The following RAD54L2 variants were observed in gnomAD, a reference collection of about 807,000 sequenced individuals.
RAD54L2 encodes the protein RAD54 like 2, also known as helicase ARIP4.
In RAD54L2, 27 loss-of-function variants were observed where a neutral mutation model predicts 138.4. That is an observed-to-expected ratio of 0.20 (90% CI 0.14 to 0.27). RAD54L2 has a LOEUF of 0.27. Ranked by LOEUF, RAD54L2 falls within the 10% of genes least tolerant of loss-of-function variation. The pLI is 1.00. For synonymous variants in RAD54L2, 644 were observed against 723.2 expected (o/e 0.89, Z 1.76); for missense variants, 1,396 against 1,890.2 (o/e 0.74, Z 4.85).
intron 2 of RAD54L2, among the ~76,000 whole-genome samples, chr3:51,578,789 T>G (rs550762206): frequency 1.3e-5 from 2 of 152,262 alleles, no homozygotes; most frequent in South Asian, 4.1e-4. Context: ...AGTACTCTTT[T>G]AGCTTTGTAA....
intron 14 of RAD54L2, among the ~76,000 whole-genome samples, chr3:51,640,599 C>T (rs894568200): frequency 1.3e-5 from 2 of 152,214 alleles, no homozygotes; most frequent in African/African-American, 2.4e-5. Flanking sequence ...TGGCAGGAGC[C>T]TGGCTCAGGA....
chr3:51,647,679 T>C (rs981397721), intron 19 of RAD54L2, among the ~76,000 whole-genome samples: 2 of 151,378 alleles, frequency 1.3e-5, no homozygotes, highest in African/African-American at 4.9e-5. Context: ...CAAAAAAAAA[T>C]TTTTTTTTCT....
At chr3:51,572,006 G>A (rs966077275) in intron 2 of RAD54L2, among the ~76,000 whole-genome samples, 1 of 152,076 alleles carries the variant, frequency 6.6e-6, no homozygotes, top group African/African-American at 2.4e-5. Context: ...TTTGGTTTTA[G>A]GTGAAATGTA....
chr3:51,629,235 G>T, intron 4 of RAD54L2, 99 bp from the exon 5 acceptor site: 3 of 1,338,116 alleles, frequency 2.2e-6, no homozygotes, highest in South Asian at 2.9e-5. Flanking sequence ...CTCCCGCCTC[G>T]ACTCTGAGAT....
At chr3:51,610,207 A>G (rs1361596595) in intron 3 of RAD54L2, among the ~76,000 whole-genome samples, 1 of 152,170 alleles carries the variant, frequency 6.6e-6, no homozygotes, top group Non-Finnish European at 1.5e-5. Context: ...CTATAACATA[A>G]GACTTTACCT....
Position 51,665,996 on chromosome 3 carries a change from C to T in RAD54L2, c.*2576C>T, listed in dbSNP as rs918705651. 14 of 152,104 alleles carry T rather than the reference C, an allele frequency of 9.2e-5. No homozygotes were observed. The highest frequency in any genetic ancestry group is 3.4e-4 in the African/African-American group (14 of 41,406). The allele number at this position is 152,104 out of a possible 1,614,324, so 9.4% of individuals were successfully genotyped here. A position where few individuals can be genotyped will look rare whatever the true frequency, so the allele number is the denominator to read the frequency against. Reference sequence around the variant, plus strand: ...TGGGTATTCTGAGAGGCAGCACATGCCTACTGTCTATCCAGTGTTCCAGGG... The same window carrying T: ...TGGGTATTCTGAGAGGCAGCACATGTCTACTGTCTATCCAGTGTTCCAGGG... On this transcript the variant is annotated 3_prime_UTR_variant, in exon 23 of 23. Coordinates refer to ENST00000684192, the MANE Select transcript of RAD54L2 (RefSeq NM_015106.4).
intron 18 of RAD54L2, among the ~76,000 whole-genome samples, 189 bp from the exon 19 acceptor site, chr3:51,646,096 T>C (rs1026858376): frequency 4.6e-5 from 7 of 152,206 alleles, no homozygotes; most frequent in African/African-American, 1.7e-4. Flanking sequence ...GACTTAGATG[T>C]CTAAAGCTGG....
In RAD54L2 at chr3:51,597,752, C is replaced by T. The variant is rs115928811; in HGVS notation, c.139+7193C>T. ...CTGAAGAACGAGGATCGCTTGAACTCGTGAGGCAGTGGTTGCAGCGAGCCG... is the reference window on the plus strand; with the variant it reads ...CTGAAGAACGAGGATCGCTTGAACTTGTGAGGCAGTGGTTGCAGCGAGCCG... On this transcript the variant is annotated intron_variant, in intron 3 of 22. Coordinates refer to ENST00000684192, the MANE Select transcript of RAD54L2 (RefSeq NM_015106.4). Among the ~76,000 whole-genome samples the T allele has an allele frequency of 5.0e-3, 755 of 152,124 alleles. 2 individuals carry two copies. Among genetic ancestry groups the T allele is most frequent in the African/African-American group, 0.017 (712 of 41,512 alleles).
intron 2 of RAD54L2, among the ~76,000 whole-genome samples, chr3:51,569,123 T>G (rs945929262): frequency 2.0e-5 from 3 of 152,154 alleles, no homozygotes; most frequent in Admixed American, 6.6e-5. Flanking sequence ...GATTGCTACA[T>G]TTCAAGCAAG....
chr3:51,603,142 CAAA>C (rs56410629), intron 3 of RAD54L2, among the ~76,000 whole-genome samples: 13 of 91,494 alleles, frequency 1.4e-4, no homozygotes, highest in Non-Finnish European at 1.3e-4. Context: ...ATTACTACTA[CAAA>C]AAAAAAAAAA....
At chr3:51,607,062 CTT>C (rs947090463) in intron 3 of RAD54L2, among the ~76,000 whole-genome samples, 2 of 138,928 alleles carry the variant, frequency 1.4e-5, no homozygotes, top group South Asian at 2.4e-4. Flanking sequence ...TTGGATTTCT[CTT>C]TTTATTTTTT....
chr3:51,634,613 G>A (rs765581462), intron 9 of RAD54L2, among the ~76,000 whole-genome samples: 15 of 152,054 alleles, frequency 9.9e-5, no homozygotes, highest in African/African-American at 1.7e-4. Context: ...CAGGTGATCC[G>A]CCCACCTTGT....
At chr3:51,568,778 G>T (rs575307083) in intron 2 of RAD54L2, among the ~76,000 whole-genome samples, 1 of 152,248 alleles carries the variant, frequency 6.6e-6, no homozygotes, top group East Asian at 1.9e-4. Flanking sequence ...GGAAGAAAAT[G>T]CATTGTAAAT....
In RAD54L2 at chr3:51,637,712, CAA is replaced by C. The variant is rs1411079933; in HGVS notation, c.1682+212_1682+213del. The stretch of plus-strand genomic sequence containing the variant: ...AAGTTTGGCCTAGAAGTGCTTCTCT[CAA>C]AAGTTATCTTTAAAGGTACTGGAGA... On this transcript the variant is annotated intron_variant, in intron 11 of 22. Transcript: ENST00000684192. The surrounding 1 kb of genome is among the most constrained non-coding windows in gnomAD (Gnocchi z 5.9). 6.6e-6 allele frequency among the ~76,000 whole-genome samples: 1 copy of C among 152,204 alleles called. No homozygotes were observed. Among genetic ancestry groups the C allele is most frequent in the Non-Finnish European group, 1.5e-5 (1 of 68,044 alleles).
At chr3:51,612,681 G>T (rs1415644544) in intron 3 of RAD54L2, among the ~76,000 whole-genome samples, 1 of 114,938 alleles carries the variant, frequency 8.7e-6, no homozygotes, top group East Asian at 2.8e-4. Context: ...GTTCATGATG[G>T]TCTTTGTTGT....
chr3:51,633,655 A>G lies in RAD54L2; in HGVS notation c.904A>G (p.Ile302Val). 1 of 1,613,944 alleles carries G rather than the reference A, an allele frequency of 6.2e-7. No individual in the cohort carries two copies. Among genetic ancestry groups the G allele is most frequent in the Non-Finnish European group, 8.5e-7 (1 of 1,179,858 alleles). Residue 302 changes from isoleucine (I) to valine (V), a missense_variant, in exon 8 of 23, where the codon ATT becomes GTT. Ile to Val is a conservative substitution (Grantham distance 29, BLOSUM62 3). This residue lies in a region of RAD54L2 where 12 missense variants were observed against 46.1 expected (regional missense o/e 0.26). Transcript: ENST00000684192. ...RFKTSSGFGC[I>V]LAHSMGLGKT... is the part of the protein sequence containing the mutation. ...TAAGACCAGCAGTGGCTTTGGCTGT[A>G]TTCTGGCCCACAGCATGGGTCTGGG...
chr3:51,591,036 GA>G (rs1303012615), intron 3 of RAD54L2, among the ~76,000 whole-genome samples: 1 of 152,186 alleles, frequency 6.6e-6, no homozygotes, highest in African/African-American at 2.4e-5. Context: ...CACAACTTCA[GA>G]AAGCTCACTG....
At chr3:51,652,998 C>T (rs1480396346) in intron 19 of RAD54L2, among the ~76,000 whole-genome samples, 1 of 152,180 alleles carries the variant, frequency 6.6e-6, no homozygotes, top group Non-Finnish European at 1.5e-5. Context: ...AGGCAACCTA[C>T]AGAGTGGGAG....
intron 3 of RAD54L2, among the ~76,000 whole-genome samples, chr3:51,622,529 C>T (rs1482757599): frequency 1.3e-5 from 2 of 152,136 alleles, no homozygotes; most frequent in East Asian, 1.9e-4. Flanking sequence ...GCTGTCTACC[C>T]GAAACCGTCT....
Sources: allele counts gnomAD v4.1 joint callset (sites outside exome capture counted in the v4.1 genomes callset), GRCh38; gene constraint gnomAD v4.1.1; regional missense constraint gnomAD v4.1.1; non-coding constraint Gnocchi (gnomAD v3.1); transcripts MANE v1.5; gene names NCBI Gene and HGNC (gene_info 2026-07-23, HGNC 2026-07-21).